Variants in KCNB2 observed in about 807,000 individuals in gnomAD.
The protein encoded by KCNB2 is potassium voltage-gated channel subfamily B member 2, also known as delayed rectifier potassium channel protein.
In KCNB2, 15 loss-of-function variants were observed where a neutral mutation model predicts 61.5. That is an observed-to-expected ratio of 0.24 (90% confidence interval 0.16 to 0.38). The LOEUF (loss-of-function observed/expected upper bound fraction) is 0.38. Ranked by LOEUF, KCNB2 falls within the 10% of genes least tolerant of loss-of-function variation. The pLI is 1.00. For synonymous variants in KCNB2, 457 were observed against 446.0 expected, an observed-to-expected ratio of 1.02 and a Z score of -0.31; for missense variants, 828 against 1,125.2, an observed-to-expected ratio of 0.74 and a Z score of 3.78.
At chr8:72,851,337 C>A (rs183144980) in intron 2 of KCNB2, among the ~76,000 whole-genome samples, 1 of 152,160 alleles carries the variant, frequency 6.6e-6, no homozygotes, top group Admixed American at 6.6e-5. Context: ...CTGAGACAAT[C>A]GGTGACAGAA....
chr8:72,866,012 G>A (rs1203435591), intron 2 of KCNB2, among the ~76,000 whole-genome samples: 6 of 152,318 alleles, frequency 3.9e-5, no homozygotes, highest in South Asian at 4.1e-4. Context: ...CTGCCCCATT[G>A]TGGTCACTCC....
At chr8:72,615,865 CTT>C (rs1185097341) in intron 2 of KCNB2, among the ~76,000 whole-genome samples, 3 of 152,302 alleles carry the variant, frequency 2.0e-5, no homozygotes, top group East Asian at 1.9e-4. Flanking sequence ...TCAGTAGAGT[CTT>C]TAAGCTCTCA....
At chr8:72,544,059 T>C (rs544992866) in intron 1 of KCNB2, among the ~76,000 whole-genome samples, 294 of 152,278 alleles carry the variant, frequency 1.9e-3, no homozygotes, top group Non-Finnish European at 3.8e-3. Context: ...CTGTGAAGAG[T>C]ATCATTTTCT....
chr8:72,725,275 A>C (rs1807613767), intron 2 of KCNB2, among the ~76,000 whole-genome samples: 1 of 151,888 alleles, frequency 6.6e-6, no homozygotes, highest in African/African-American at 2.4e-5. Flanking sequence ...CTAATGAAAG[A>C]TATTTCTATC....
chr8:72,918,726 G>T (rs772528524), intron 2 of KCNB2, among the ~76,000 whole-genome samples: 1 of 152,098 alleles, frequency 6.6e-6, no homozygotes, highest in Non-Finnish European at 1.5e-5. Flanking sequence ...GTCTCTCCTG[G>T]TGCACAAAGC....
At chr8:72,854,969 C>G (rs1290353576) in intron 2 of KCNB2, among the ~76,000 whole-genome samples, 1 of 152,160 alleles carries the variant, frequency 6.6e-6, no homozygotes, top group Non-Finnish European at 1.5e-5. Context: ...TTGTGTCTTC[C>G]ACATCAAGCG....
chr8:72,602,401 A>G (rs1805366986), intron 2 of KCNB2, among the ~76,000 whole-genome samples: 1 of 152,144 alleles, frequency 6.6e-6, no homozygotes, highest in East Asian at 1.9e-4. Context: ...CTGCCCTGCT[A>G]AATTTTAGTC....
At chr8:72,822,984 A>G (rs144750167) in intron 2 of KCNB2, among the ~76,000 whole-genome samples, 2 of 149,656 alleles carry the variant, frequency 1.3e-5, no homozygotes, top group East Asian at 4.1e-4. Flanking sequence ...CAGCTCCCTG[A>G]GCAAAAGGCA....
chr8:72,734,700 C>A (rs547796043), intron 2 of KCNB2, among the ~76,000 whole-genome samples: 1 of 152,122 alleles, frequency 6.6e-6, no homozygotes, highest in Non-Finnish European at 1.5e-5. Flanking sequence ...CTGAACACTA[C>A]GTCTTGAAAG....
rs114812612 is a variant in KCNB2, at chr8:72,573,521, G to T, written c.579+5208G>T. ...AACAACACAGAAACCCCTCTACACT[G>T]AGGCCCTTCTGTGTACCGTGCAGTG... On this transcript the variant is annotated intron_variant, in intron 2 of 2. Transcript: ENST00000523207. 2.2e-3 allele frequency among the ~76,000 whole-genome samples: 338 copies of T among 152,326 alleles called. 2 individuals are homozygous for T. The highest frequency in any genetic ancestry group is 7.3e-3 in the African/African-American group (304 of 41,558).
At chr8:72,899,713 T>C (rs1359399295) in intron 2 of KCNB2, among the ~76,000 whole-genome samples, 2 of 152,102 alleles carry the variant, frequency 1.3e-5, no homozygotes, top group African/African-American at 4.8e-5. Flanking sequence ...AAAACACTGC[T>C]GAAATAAATC....
intron 1 of KCNB2, among the ~76,000 whole-genome samples, chr8:72,566,710 C>CA (rs5892353): frequency 0.033 from 4,558 of 136,242 alleles, 107 homozygotes; most frequent in South Asian, 0.1. Flanking sequence ...GACTCTATTT[C>CA]AAAAAAAAAA....
intron 2 of KCNB2, among the ~76,000 whole-genome samples, chr8:72,666,090 A>C (rs16938286): frequency 2.0e-5 from 3 of 152,196 alleles, no homozygotes; most frequent in Non-Finnish European, 4.4e-5. Context: ...AATCGGAAAG[A>C]TGTGTTCCTT....
intron 2 of KCNB2, among the ~76,000 whole-genome samples, chr8:72,896,626 T>C (rs1281588439): frequency 6.6e-6 from 1 of 152,166 alleles, no homozygotes; most frequent in Non-Finnish European, 1.5e-5. Context: ...AATATCAGGC[T>C]TCTTAGTGCT....
chr8:72,819,200 A>G (rs996718943), intron 2 of KCNB2, among the ~76,000 whole-genome samples: 15 of 151,794 alleles, frequency 9.9e-5, no homozygotes, highest in African/African-American at 3.4e-4. Flanking sequence ...CCCAAGACCC[A>G]TTTTGTTGCT....
intron 2 of KCNB2, among the ~76,000 whole-genome samples, chr8:72,722,906 C>G (rs1427381343): frequency 6.6e-6 from 1 of 152,196 alleles, no homozygotes; most frequent in Non-Finnish European, 1.5e-5. Flanking sequence ...TCACATTCTC[C>G]TAGTCCATGC....
At chr8:72,819,490 T>C (rs1380019013) in intron 2 of KCNB2, among the ~76,000 whole-genome samples, 1 of 152,206 alleles carries the variant, frequency 6.6e-6, no homozygotes, top group Non-Finnish European at 1.5e-5. Context: ...GAATAATCCT[T>C]CTGGGACTAC....
intron 2 of KCNB2, among the ~76,000 whole-genome samples, chr8:72,611,456 C>T (rs958343867): frequency 1.3e-5 from 2 of 152,130 alleles, no homozygotes; most frequent in Non-Finnish European, 2.9e-5. Flanking sequence ...GTTCGGTATC[C>T]GAATCTGCCA....
intron 2 of KCNB2, among the ~76,000 whole-genome samples, chr8:72,935,645 C>T (rs913462914): frequency 2.0e-5 from 3 of 152,128 alleles, no homozygotes; most frequent in African/African-American, 7.2e-5. Context: ...AATTACTCCC[C>T]CCAAAAACTA....
Sources: gnomAD v4.1 joint callset for allele counts (sites outside exome capture counted in the v4.1 genomes callset) on GRCh38, gnomAD v4.1.1 for gene constraint, MANE v1.5 for transcripts, NCBI Gene and HGNC (gene_info 2026-07-23, HGNC 2026-07-21) for gene names.